Variants in RBFOX1 observed in about 807,000 individuals in gnomAD.
RBFOX1 encodes the protein RNA binding fox-1 homolog 1, also known as RNA binding protein fox-1 homolog 1.
In RBFOX1, 8 loss-of-function variants were observed where a neutral mutation model predicts 57.7. That is an observed-to-expected ratio of 0.14 (90% confidence interval 0.08 to 0.25). The LOEUF (loss-of-function observed/expected upper bound fraction) is 0.25, where lower values mean the gene tolerates loss of function less well. RBFOX1 is among the 10% of genes least tolerant of loss of function. The pLI is 1.00. For synonymous variants in RBFOX1, 326 were observed against 222.4 expected, an observed-to-expected ratio of 1.47 and a Z score of -4.15; for missense variants, 611 against 548.5, an observed-to-expected ratio of 1.11 and a Z score of -1.14.
intron 2 of RBFOX1, among the ~76,000 whole-genome samples, chr16:5,522,727 A>G (rs1597388476): frequency 6.6e-6 from 1 of 152,176 alleles, no homozygotes; most frequent in East Asian, 1.9e-4. Flanking sequence ...GGTATCTATG[A>G]TTCTGCTCTC....
chr16:6,701,291 C>T (rs2061811480), intron 3 of RBFOX1, among the ~76,000 whole-genome samples: 1 of 152,190 alleles, frequency 6.6e-6, no homozygotes, highest in Admixed American at 6.5e-5. Flanking sequence ...AAGGGGCTGA[C>T]AGCTGTGGCT....
intron 3 of RBFOX1, among the ~76,000 whole-genome samples, chr16:5,669,303 C>A (rs937571960): frequency 1.3e-5 from 2 of 152,128 alleles, no homozygotes; most frequent in Non-Finnish European, 2.9e-5. Flanking sequence ...CTCAGCCTAC[C>A]CAGCAGCAGG....
rs537506738 is a variant in RBFOX1 at position 6,885,194 on chromosome 16, G to C, written c.-15-166863G>C. ...CCAGGTAGTAATTCCCAATGACTGAGCCATCACTTCAGAAAACTAGAACTG... is the reference window on the plus strand; with the variant it reads ...CCAGGTAGTAATTCCCAATGACTGACCCATCACTTCAGAAAACTAGAACTG... On this transcript the variant is annotated intron_variant, in intron 3 of 15. Coordinates refer to ENST00000550418, the MANE Select transcript of RBFOX1 (RefSeq NM_018723.4). Among the ~76,000 whole-genome samples the C allele has an allele frequency of 1.3e-5, 2 of 152,260 alleles. 1 individual carries two copies. The highest frequency in any genetic ancestry group is 4.8e-5 in the African/African-American group (2 of 41,550).
intron 2 of RBFOX1, among the ~76,000 whole-genome samples, chr16:6,491,931 A>T (rs939273464): frequency 3.9e-5 from 6 of 152,184 alleles, no homozygotes; most frequent in African/African-American, 1.4e-4. Context: ...CTCTCCTATT[A>T]GGATTAACCT....
Position 6,386,807 on chromosome 16 carries a change from G to T in RBFOX1, c.-64+69750G>T, listed in dbSNP as rs539571373. ...TCTACTATTTCAGCAGAAATATAAA[G>T]AATTATTCATGAGATGATCAAGGGG... On this transcript the variant is annotated intron_variant, in intron 2 of 15. Transcript: ENST00000550418. Among the ~76,000 whole-genome samples the T allele has an allele frequency of 1.8e-4, 28 of 152,286 alleles. 2 individuals are homozygous for T. Among genetic ancestry groups the T allele is most frequent in the East Asian group, 1.2e-3 (6 of 5,180 alleles).
At position 5,375,013 on chromosome 16, in the gene RBFOX1, G is replaced by C. The variant is rs181812050; in HGVS notation, c.220-92203G>C. ...AGAGACTGGTCTGGAATTCCAGAGAGGCCACCATTGTGCCAGACACAGGCA... is the reference window on the plus strand; with the variant it reads ...AGAGACTGGTCTGGAATTCCAGAGACGCCACCATTGTGCCAGACACAGGCA... On this transcript the variant is annotated intron_variant, in intron 1 of 2. Coordinates refer to the RBFOX1 transcript ENST00000585867. Among the ~76,000 whole-genome samples, 695 of 146,768 alleles carry C rather than the reference G, an allele frequency of 4.7e-3. 13 individuals carry two copies. Among genetic ancestry groups the C allele is most frequent in the Admixed American group, 0.043 (619 of 14,366 alleles).
At chr16:6,896,831 G>A (rs1014445031) in intron 3 of RBFOX1, among the ~76,000 whole-genome samples, 1 of 152,168 alleles carries the variant, frequency 6.6e-6, no homozygotes, top group South Asian at 2.1e-4. Context: ...AGGATAGAAA[G>A]AAGATTGCAG....
chr16:7,389,003 A>T (rs1287576976), intron 4 of RBFOX1, among the ~76,000 whole-genome samples: 2 of 152,182 alleles, frequency 1.3e-5, no homozygotes, highest in African/African-American at 2.4e-5. Context: ...ACATTTTTTT[A>T]AAGTGTGATA....
At chr16:6,565,714 C>T (rs2345085) in intron 2 of RBFOX1, among the ~76,000 whole-genome samples, 72,519 of 151,178 alleles carry the variant, frequency 0.48, 19,889 homozygotes, top group East Asian at 0.72. Context: ...GTGATCCGCC[C>T]GCTTTGGCTT....
intron 3 of RBFOX1, among the ~76,000 whole-genome samples, chr16:7,016,698 C>G (rs541360757): frequency 1.1e-4 from 17 of 152,266 alleles, no homozygotes; most frequent in African/African-American, 3.9e-4. Context: ...GTGACTGATG[C>G]CTATTCCCGT....
Position 5,991,249 on chromosome 16 carries a change from C to G in RBFOX1, c.351+123914C>G, listed in dbSNP as rs371034339. ...CCATTTGCAGAGGAGCAGCAAAGTT[C>G]TAGCACAAGACCACACAGGCAGGAA... On this transcript the variant is annotated intron_variant, in intron 4 of 19. Coordinates refer to the RBFOX1 transcript ENST00000641259. Among the ~76,000 whole-genome samples, 21 of 152,250 alleles carry G rather than the reference C, an allele frequency of 1.4e-4. No homozygotes were observed. The East Asian group carries it at 4.1e-3, about 30-fold the overall frequency.
intron 4 of RBFOX1, among the ~76,000 whole-genome samples, chr16:7,196,153 G>T (rs571650284): frequency 2.0e-5 from 3 of 152,196 alleles, no homozygotes; most frequent in Admixed American, 6.5e-5. Context: ...TAAAGGAACA[G>T]GCTTGGCCCA....
chr16:6,750,059 G>A (rs1433841917), intron 3 of RBFOX1, among the ~76,000 whole-genome samples: 1 of 152,086 alleles, frequency 6.6e-6, no homozygotes, highest in Non-Finnish European at 1.5e-5. Context: ...ATCAACTAGG[G>A]GCTAACATTA....
At chr16:6,874,392 C>A (rs1458394552) in intron 3 of RBFOX1, among the ~76,000 whole-genome samples, 3 of 151,774 alleles carry the variant, frequency 2.0e-5, no homozygotes, top group African/African-American at 7.2e-5. Context: ...TGCCTGTAGT[C>A]CCAGCTACTT....
In RBFOX1 at chr16:7,572,681, T is replaced by C. The variant is rs1223666357; in HGVS notation, c.271-7096T>C. ...GGTGAAACCCTGTCTCTACTAAAAA[T>C]ACAAAAAATTAGCTGGGCGTAGTGG... is the stretch of plus-strand genomic sequence containing the variant. On this transcript the variant is annotated intron_variant, in intron 5 of 15. Coordinates refer to ENST00000550418, the MANE Select transcript of RBFOX1 (RefSeq NM_018723.4). Among the ~76,000 whole-genome samples the C allele has an allele frequency of 2.6e-5, 4 of 151,860 alleles. No homozygotes were observed. The East Asian group carries it at 5.9e-4, about 22-fold the overall frequency.
chr16:7,225,752 T>C (rs1209259406), intron 4 of RBFOX1, among the ~76,000 whole-genome samples: 2 of 93,794 alleles, frequency 2.1e-5, no homozygotes, highest in Non-Finnish European at 3.8e-5. Flanking sequence ...TGTCAGACAT[T>C]TGGGGGTGGG....
At chr16:7,128,280 A>G (rs2069154471) in intron 4 of RBFOX1, among the ~76,000 whole-genome samples, 1 of 152,214 alleles carries the variant, frequency 6.6e-6, no homozygotes, top group Admixed American at 6.5e-5. Context: ...TCCTCACAAT[A>G]ATTCTGCAAG....
intron 3 of RBFOX1, among the ~76,000 whole-genome samples, chr16:6,987,866 A>G (rs151080556): frequency 6.6e-6 from 1 of 152,312 alleles, no homozygotes; most frequent in African/African-American, 2.4e-5. Flanking sequence ...GGCATCTCAA[A>G]GCAGCCACAT....
intron 1 of RBFOX1, among the ~76,000 whole-genome samples, chr16:6,156,511 C>G (rs761565331): frequency 6.6e-6 from 1 of 152,228 alleles, no homozygotes; most frequent in East Asian, 1.9e-4. Context: ...CTTCACAGAG[C>G]TATAGAAAAG....
Sources: gnomAD v4.1 joint callset for allele counts (sites outside exome capture counted in the v4.1 genomes callset) on GRCh38, gnomAD v4.1.1 for gene constraint, MANE v1.5 for transcripts, NCBI Gene and HGNC (gene_info 2026-07-23, HGNC 2026-07-21) for gene names.